The following RPTOR variants were observed in gnomAD, a reference collection of about 807,000 sequenced individuals.
RPTOR encodes the protein regulatory associated protein of MTOR complex 1.
RPTOR carries 21 observed loss-of-function variants against 169.9 expected under a neutral mutation model. The ratio of observed to expected loss-of-function variants is 0.12; its 90% CI spans 0.09 to 0.18. The LOEUF is 0.18. Among genes scored for constraint, RPTOR ranks in the 10% least tolerant of loss-of-function variants. The pLI, the probability that RPTOR is intolerant of heterozygous loss-of-function variation, is 1.00. For synonymous variants in RPTOR, 732 were observed against 753.2 expected, an observed-to-expected ratio of 0.97 and a Z score of 0.46; for missense variants, 1,133 against 1,855.9, an observed-to-expected ratio of 0.61 and a Z score of 7.16.
intron 3 of RPTOR, among the ~76,000 whole-genome samples, chr17:80,682,274 T>C (rs2065905290): frequency 6.6e-6 from 1 of 151,990 alleles, no homozygotes; most frequent in South Asian, 2.1e-4. Flanking sequence ...CAGCTAATTG[T>C]TAAATTTTTT....
chr17:80,917,861 C>A (rs1383333344), intron 21 of RPTOR, among the ~76,000 whole-genome samples: 1 of 152,166 alleles, frequency 6.6e-6, no homozygotes, highest in Non-Finnish European at 1.5e-5. Flanking sequence ...CCGTGCTGCC[C>A]ATCCCACCCC....
chr17:80,939,250 C>T (rs1356001554), intron 24 of RPTOR, among the ~76,000 whole-genome samples: 1 of 152,186 alleles, frequency 6.6e-6, no homozygotes, highest in East Asian at 1.9e-4. Context: ...AAGTGGCCAT[C>T]CTCCCGCGGA....
intron 2 of RPTOR, among the ~76,000 whole-genome samples, chr17:80,634,478 A>ACTGTGTGTGCGTC (rs2065477503): frequency 4.9e-5 from 4 of 81,394 alleles, no homozygotes; most frequent in Non-Finnish European, 2.3e-5. Context: ...GCGTGTGCAT[A>ACTGTGTGTGCGTC]CTGTGTGTGC....
At chr17:80,570,754 C>G (rs1250012820) in intron 1 of RPTOR, among the ~76,000 whole-genome samples, 1 of 152,190 alleles carries the variant, frequency 6.6e-6, no homozygotes, top group Admixed American at 6.5e-5. Context: ...AGCTACCATG[C>G]TGGGCCTGAT....
chr17:80,654,264 C>T (rs1328804869), intron 3 of RPTOR, among the ~76,000 whole-genome samples: 1 of 152,234 alleles, frequency 6.6e-6, no homozygotes, highest in Non-Finnish European at 1.5e-5. Context: ...GCCTGAGGGC[C>T]ACTGATGCAG....
intron 3 of RPTOR, among the ~76,000 whole-genome samples, chr17:80,673,626 C>A (rs1341892665): frequency 6.6e-6 from 1 of 152,236 alleles, no homozygotes; most frequent in African/African-American, 2.4e-5. Context: ...GGAGCCACTT[C>A]TTGGTAGCCG....
intron 11 of RPTOR, among the ~76,000 whole-genome samples, chr17:80,853,045 C>T (rs892814852): frequency 6.6e-6 from 1 of 152,140 alleles, no homozygotes; most frequent in Non-Finnish European, 1.5e-5. Context: ...TCCGTATTGG[C>T]ACCCTGGTCA....
At chr17:80,618,059 T>C (rs190816538) in intron 1 of RPTOR, among the ~76,000 whole-genome samples, 94 of 151,300 alleles carry the variant, frequency 6.2e-4, no homozygotes, top group Middle Eastern at 3.4e-3. Context: ...CGGCTCACTG[T>C]AACCTCCGCC....
chr17:80,707,386 G>T lies in RPTOR; in HGVS notation c.349-455G>T, dbSNP rs2066149717. ...TGAATATTTATAACCATCATGTGTGGCAGTTCTTATGTAGTGTTTTGATTT... is the reference window on the plus strand; with the variant it reads ...TGAATATTTATAACCATCATGTGTGTCAGTTCTTATGTAGTGTTTTGATTT... On this transcript the variant is annotated intron_variant, in intron 3 of 33. Transcript: ENST00000306801. The surrounding 1 kb of genome is among the most constrained non-coding windows in gnomAD (Gnocchi z 5.0). Among the ~76,000 whole-genome samples, 1 of 152,088 alleles carries T rather than the reference G, an allele frequency of 6.6e-6. No homozygotes were observed.
chr17:80,698,207 G>A (rs1264300231), intron 3 of RPTOR, among the ~76,000 whole-genome samples: 1 of 152,186 alleles, frequency 6.6e-6, no homozygotes, highest in Non-Finnish European at 1.5e-5. Context: ...CAGAGGCAGA[G>A]GTGACAGGCC....
In RPTOR at chr17:80,545,295, GTC is replaced by G; in HGVS notation, c.-331_-330del. 1 of 251,130 alleles carries G rather than the reference GTC, an allele frequency of 4.0e-6. No individual in the cohort carries two copies. Among genetic ancestry groups the G allele is most frequent in the Non-Finnish European group, 7.7e-6 (1 of 130,456 alleles). 15.6% of individuals were successfully genotyped at this position (251,130 alleles called of 1,614,324 possible). A position where few individuals can be genotyped will look rare whatever the true frequency, so the allele number is the denominator to read the frequency against. On this transcript the variant is annotated 5_prime_UTR_variant, in exon 1 of 34. Coordinates refer to ENST00000306801, the MANE Select transcript of RPTOR (RefSeq NM_020761.3). ...GAGCAGGGTCATCGTGAGGCCTGAA[GTC>G]TCTTACGCTTTTGGCAGCTCCCCTC...
At chr17:80,871,133 T>C (rs1393566684) in intron 13 of RPTOR, among the ~76,000 whole-genome samples, 1 of 151,894 alleles carries the variant, frequency 6.6e-6, no homozygotes, top group Admixed American at 6.6e-5. Flanking sequence ...TGAGACGGAG[T>C]CTCACTCTGT....
At chr17:80,648,056 A>T (rs2065610880) in intron 3 of RPTOR, among the ~76,000 whole-genome samples, 1 of 152,188 alleles carries the variant, frequency 6.6e-6, no homozygotes, top group South Asian at 2.1e-4. Context: ...CCTAACCCCA[A>T]GCAGAGTATG....
At chr17:80,705,753 C>T (rs976203469) in intron 3 of RPTOR, among the ~76,000 whole-genome samples, 4 of 152,142 alleles carry the variant, frequency 2.6e-5, no homozygotes, top group Non-Finnish European at 5.9e-5. Flanking sequence ...CCAGGCTGGT[C>T]TTGAACTCCT....
At chr17:80,755,990 G>C (rs985585473) in intron 6 of RPTOR, among the ~76,000 whole-genome samples, 14 of 152,242 alleles carry the variant, frequency 9.2e-5, no homozygotes, top group South Asian at 8.3e-4. Context: ...TGTAAAACAA[G>C]TGTAATACAT....
At chr17:80,824,804 A>G (rs1424064713) in intron 9 of RPTOR, among the ~76,000 whole-genome samples, 1 of 152,234 alleles carries the variant, frequency 6.6e-6, no homozygotes, top group Non-Finnish European at 1.5e-5. Context: ...CTCCTATCTG[A>G]TGTGCTCAGC....
At chr17:80,833,354 A>C (rs1011048681) in intron 9 of RPTOR, among the ~76,000 whole-genome samples, 1 of 152,140 alleles carries the variant, frequency 6.6e-6, no homozygotes, top group Non-Finnish European at 1.5e-5. Flanking sequence ...GGTCACAGCT[A>C]ATCACAGCCT....
rs183502119 is a variant in RPTOR at position 80,668,193 on chromosome 17, T to A, written c.348+24383T>A. Among the ~76,000 whole-genome samples the A allele has an allele frequency of 2.5e-3, 374 of 152,194 alleles. 2 individuals are homozygous for A. Among genetic ancestry groups the A allele is most frequent in the African/African-American group, 8.8e-3 (364 of 41,510 alleles). On this transcript the variant is annotated intron_variant, in intron 3 of 33. Transcript: ENST00000306801. ...CAGGTTGGGCCTCCACTAGACAAAG[T>A]TTATCCTAGTGAGTTCTTTTGGGTT...
At chr17:80,686,316 A>G (rs1205538502) in intron 3 of RPTOR, among the ~76,000 whole-genome samples, 1 of 150,926 alleles carries the variant, frequency 6.6e-6, no homozygotes, top group African/African-American at 2.5e-5. Flanking sequence ...CCTCCTGAGT[A>G]GCTGGGACTA....
Sources: gnomAD v4.1 joint callset for allele counts (sites outside exome capture counted in the v4.1 genomes callset) on GRCh38, gnomAD v4.1.1 for gene constraint, Gnocchi (gnomAD v3.1) non-coding constraint, MANE v1.5 for transcripts, NCBI Gene and HGNC (gene_info 2026-07-23, HGNC 2026-07-21) for gene names.